NPAS3: variants seen among roughly 807,000 people sequenced by gnomAD.
The protein encoded by NPAS3 is neuronal PAS domain protein 3, also known as neuronal PAS domain-containing protein 3.
Under a neutral mutation model 73.1 loss-of-function variants are expected in NPAS3, and 14 were observed. The observed-to-expected ratio is 0.19, with a 90% CI of 0.13 to 0.30. The LOEUF (loss-of-function observed/expected upper bound fraction) is 0.30, where lower values mean the gene tolerates loss of function less well. NPAS3 is among the 10% of genes least tolerant of loss of function. NPAS3 has a pLI of 1.00. For missense variants in NPAS3, 1,096 were observed against 1,250.0 expected, an observed-to-expected ratio of 0.88 and a Z score of 1.86; for synonymous variants, 620 against 541.5, an observed-to-expected ratio of 1.14 and a Z score of -2.01.
intron 1 of NPAS3, among the ~76,000 whole-genome samples, chr14:32,960,585 A>T (rs1027709709): frequency 6.6e-6 from 1 of 152,190 alleles, no homozygotes; most frequent in Non-Finnish European, 1.5e-5. Context: ...ATTAATTCAG[A>T]AGTAATAAAA....
chr14:33,689,338 T>C (rs930935871), intron 6 of NPAS3, among the ~76,000 whole-genome samples: 5 of 152,216 alleles, frequency 3.3e-5, no homozygotes, highest in African/African-American at 7.2e-5. Context: ...GTTTAATACA[T>C]ACAAAATGCT....
At chr14:33,076,132 G>A (rs1453265340) in intron 2 of NPAS3, among the ~76,000 whole-genome samples, 4 of 151,978 alleles carry the variant, frequency 2.6e-5, no homozygotes, top group Non-Finnish European at 4.4e-5. Context: ...CTGAAAACAC[G>A]GGTCTTTATT....
At chr14:33,493,509 G>T (rs979237937) in intron 4 of NPAS3, among the ~76,000 whole-genome samples, 10 of 152,200 alleles carry the variant, frequency 6.6e-5, no homozygotes, top group African/African-American at 2.2e-4. Context: ...TCCTGTGTGT[G>T]TTTGTGTACC....
At chr14:33,123,033 A>G (rs1157610054) in intron 2 of NPAS3, among the ~76,000 whole-genome samples, 1 of 152,134 alleles carries the variant, frequency 6.6e-6, no homozygotes, top group African/African-American at 2.4e-5. Context: ...CCTGGGAAAT[A>G]CTGGCCGGAC....
At chr14:33,510,027 C>T (rs931018937) in intron 4 of NPAS3, among the ~76,000 whole-genome samples, 11 of 151,964 alleles carry the variant, frequency 7.2e-5, no homozygotes, top group Non-Finnish European at 1.3e-4. Context: ...TCCCCCAGCA[C>T]GCCCCGGGAT....
rs767619631 is a variant in NPAS3 at position 33,800,026 on chromosome 14, G to C, written c.1719G>C (p.Glu573Asp). The change falls in exon 12 of 12, where the codon GAG (glutamate) becomes GAC (aspartate). Residue 573 changes from glutamate to aspartate, a missense_variant. Glu to Asp is a conservative substitution (Grantham distance 45). Transcript: ENST00000356141. This position sits in a 1 kb window ranked among gnomAD's most constrained non-coding sequence, Gnocchi z 6.5. ...CGGACCTGCGGCTGCAGAACTGCGA[G>C]TCACTCACGTCCGACAGCGCCAAGG... is the stretch of plus-strand genomic sequence containing the variant. 5.6e-6 allele frequency: 9 copies of C among 1,610,650 alleles called. No individual in the cohort carries two copies. In the South Asian group the frequency reaches 9.9e-5, roughly 18 times the overall value.
chr14:33,309,257 C>T (rs989405739), intron 3 of NPAS3, among the ~76,000 whole-genome samples: 1 of 152,172 alleles, frequency 6.6e-6, no homozygotes, highest in African/African-American at 2.4e-5. Flanking sequence ...TGTCACGGTT[C>T]ACCTGCCTTG....
At chr14:33,797,714 T>C in intron 11 of NPAS3, 133 bp downstream of exon 11, 1 of 853,738 alleles carries the variant, frequency 1.2e-6, no homozygotes, top group Non-Finnish European at 1.9e-6. Flanking sequence ...TCACATCAAG[T>C]TATTACTGAG....
intron 6 of NPAS3, among the ~76,000 whole-genome samples, chr14:33,710,895 A>C (rs2060799707): frequency 6.6e-6 from 1 of 152,236 alleles, no homozygotes. Flanking sequence ...TATGTAATTT[A>C]GATTACCAGG....
chr14:33,028,579 T>C (rs2039885762), intron 1 of NPAS3, among the ~76,000 whole-genome samples: 1 of 152,200 alleles, frequency 6.6e-6, no homozygotes, highest in African/African-American at 2.4e-5. Context: ...CTGTGGAATT[T>C]ATATTTATAT....
At position 33,227,056 on chromosome 14, in the gene NPAS3, A is replaced by G. The variant is rs2047662817; in HGVS notation, c.385+11630A>G. 2.0e-5 allele frequency among the ~76,000 whole-genome samples: 3 copies of G among 152,208 alleles called. No individual in the cohort carries two copies. The South Asian group carries it at 6.2e-4, about 32-fold the overall frequency. On this transcript the variant is annotated intron_variant, in intron 3 of 11. Transcript: ENST00000356141. Reference sequence around the variant, plus strand: ...ATGAAGATAACATTAAAAAATATGTAAAATGCAGTATGTCCTAGAGACATA... The same window carrying G: ...ATGAAGATAACATTAAAAAATATGTGAAATGCAGTATGTCCTAGAGACATA...
chr14:33,272,576 C>T (rs2041143675), intron 3 of NPAS3, among the ~76,000 whole-genome samples: 1 of 152,038 alleles, frequency 6.6e-6, no homozygotes, highest in Non-Finnish European at 1.5e-5. Flanking sequence ...ACCACCATGC[C>T]CAGCTAGCTT....
chr14:33,193,601 T>A (rs2046247364), intron 2 of NPAS3, among the ~76,000 whole-genome samples: 1 of 152,202 alleles, frequency 6.6e-6, no homozygotes, highest in Admixed American at 6.5e-5. Context: ...AATGACAAGA[T>A]AATGTCCTAC....
At chr14:33,342,321 C>A (rs920679337) in intron 3 of NPAS3, among the ~76,000 whole-genome samples, 3 of 152,232 alleles carry the variant, frequency 2.0e-5, no homozygotes, top group African/African-American at 7.2e-5. Context: ...AGAGGCAAAA[C>A]TGCTTAAACC....
rs187095998 is a variant in NPAS3 at position 33,573,709 on chromosome 14, T to C, written c.558+13499T>C. Reference sequence around the variant, plus strand: ...AGCTAAGGAAATTGGAATTTTTCCTTTAGACCCTTGGGAGCTGTAAAATAT... The same window carrying C: ...AGCTAAGGAAATTGGAATTTTTCCTCTAGACCCTTGGGAGCTGTAAAATAT... On this transcript the variant is annotated intron_variant, in intron 5 of 11. Transcript: ENST00000356141. 2.1e-4 allele frequency among the ~76,000 whole-genome samples: 32 copies of C among 152,286 alleles called. 1 individual carries two copies. Among genetic ancestry groups the C allele is most frequent in the African/African-American group, 7.7e-4 (32 of 41,564 alleles).
intron 1 of NPAS3, among the ~76,000 whole-genome samples, chr14:32,957,260 ATATT>A (rs1483842109): frequency 6.6e-6 from 1 of 152,160 alleles, no homozygotes; most frequent in Non-Finnish European, 1.5e-5. Flanking sequence ...CTGTTATTAT[ATATT>A]AAACATAGTG....
chr14:33,351,774 G>A (rs2045069006), intron 3 of NPAS3, among the ~76,000 whole-genome samples: 1 of 152,010 alleles, frequency 6.6e-6, no homozygotes, highest in Non-Finnish European at 1.5e-5. Context: ...TTTGAACAAG[G>A]GCATGACATG....
intron 1 of NPAS3, among the ~76,000 whole-genome samples, chr14:33,000,333 T>C (rs963703299): frequency 6.6e-5 from 10 of 152,210 alleles, no homozygotes; most frequent in South Asian, 2.1e-4. Flanking sequence ...AAATGCCGAC[T>C]AAGTGTGGCA....
At chr14:33,234,132 T>G (rs2047948326) in intron 3 of NPAS3, among the ~76,000 whole-genome samples, 1 of 152,180 alleles carries the variant, frequency 6.6e-6, no homozygotes, top group Admixed American at 6.5e-5. Context: ...CTAGCATTTT[T>G]TCTCCAGTTT....
Sources: allele counts gnomAD v4.1 joint callset (sites outside exome capture counted in the v4.1 genomes callset), GRCh38; gene constraint gnomAD v4.1.1; non-coding constraint Gnocchi (gnomAD v3.1); transcripts MANE v1.5; gene names NCBI Gene and HGNC (gene_info 2026-07-23, HGNC 2026-07-21).